Variants in SEC16B observed in about 807,000 individuals in gnomAD.
SEC16B encodes the protein protein transport protein Sec16B.
SEC16B carries 115 observed loss-of-function variants against 141.8 expected under a neutral mutation model. That is an observed-to-expected ratio of 0.81 (90% confidence interval 0.70 to 0.95). SEC16B has a LOEUF of 0.95. Ranked by LOEUF, SEC16B falls within the 40% of genes least tolerant of loss-of-function variation. SEC16B has a pLI of 0.00. For missense variants in SEC16B, 1,291 were observed against 1,312.3 expected (o/e 0.98, Z 0.25); for synonymous variants, 493 against 492.5 (o/e 1.00, Z -0.01).
At position 177,958,365 on chromosome 1, in the gene SEC16B, G is replaced by T; in HGVS notation, c.1135-3C>A. ...GCGATGTCAGACCCCACCATGGACT[G>T]TAAGGCAAAGAGGATCATCTGGGGA... On this transcript the variant is annotated splice_polypyrimidine_tract_variant and splice_region_variant and intron_variant, in intron 9 of 25. Coordinates refer to ENST00000308284, the MANE Select transcript of SEC16B (RefSeq NM_033127.4). 1 of 1,570,712 alleles carries T rather than the reference G, an allele frequency of 6.4e-7. No homozygotes were observed. Among genetic ancestry groups the T allele is most frequent in the Non-Finnish European group, 8.6e-7 (1 of 1,157,242 alleles).
At chr1:177,963,199 T>C (rs1653220333) in intron 5 of SEC16B, among the ~76,000 whole-genome samples, 1 of 151,986 alleles carries the variant, frequency 6.6e-6, no homozygotes, top group Admixed American at 6.6e-5. Flanking sequence ...ATTGTTACTA[T>C]TAGTCATAAT....
chr1:177,954,222 C>T, intron 11 of SEC16B, 57 bp downstream of exon 11: 1 of 1,315,320 alleles, frequency 7.6e-7, no homozygotes, highest in Non-Finnish European at 1.1e-6. Flanking sequence ...TCATCCTCCA[C>T]CTTTGGTGAG....
At chr1:177,931,985 G>GAA (rs879927965) in intron 24 of SEC16B, among the ~76,000 whole-genome samples, 2 of 142,492 alleles carry the variant, frequency 1.4e-5, no homozygotes, top group African/African-American at 5.1e-5. Flanking sequence ...TGTGTTCCCA[G>GAA]AAAAAAAAAA....
At chr1:177,951,162 A>G (rs1652168076) in intron 12 of SEC16B, among the ~76,000 whole-genome samples, 1 of 152,246 alleles carries the variant, frequency 6.6e-6, no homozygotes, top group Non-Finnish European at 1.5e-5. Flanking sequence ...CCTGAAAAGG[A>G]AACCAAAATA....
chr1:177,948,569 C>T, intron 12 of SEC16B: 3 of 1,304,280 alleles, frequency 2.3e-6, no homozygotes, highest in Middle Eastern at 2.1e-4. Flanking sequence ...AAAGAGTAAG[C>T]AGCGTGGTGG....
At chr1:177,977,391 T>C (rs1654211377) in intron 1 of SEC16B, among the ~76,000 whole-genome samples, 1 of 152,220 alleles carries the variant, frequency 6.6e-6, no homozygotes, top group Non-Finnish European at 1.5e-5. Flanking sequence ...CTCTTTCATT[T>C]ACAGTCATAG....
intron 17 of SEC16B, 33 bp downstream of exon 17, chr1:177,940,577 T>TC (rs761881540): frequency 5.4e-6 from 8 of 1,480,822 alleles, no homozygotes; most frequent in African/African-American, 4.2e-5. Flanking sequence ...CAAAGGCCAG[T>TC]CCCCCCAACG....
intron 12 of SEC16B, chr1:177,948,488 G>A (rs1412395810): frequency 7.7e-7 from 1 of 1,304,022 alleles, no homozygotes; most frequent in African/African-American, 1.5e-5. Flanking sequence ...GCCACTTTAA[G>A]AATAAGAAAA....
intron 12 of SEC16B, chr1:177,948,419 G>A: frequency 1.5e-6 from 2 of 1,304,358 alleles, no homozygotes; most frequent in Non-Finnish European, 2.0e-6. Context: ...GCTCTACAAA[G>A]CCCATTCACA....
At chr1:177,973,385 G>C (rs900260396), upstream of SEC16B, 2 of 152,178 alleles carry the variant, frequency 1.3e-5, no homozygotes, top group Admixed American at 1.3e-4. Flanking sequence ...ACCAGGTAAT[G>C]GAATGGTGGA....
At chr1:177,976,459 G>A (rs972262614) in intron 1 of SEC16B, among the ~76,000 whole-genome samples, 2 of 152,160 alleles carry the variant, frequency 1.3e-5, no homozygotes, top group African/African-American at 4.8e-5. Flanking sequence ...GCTGCAGGTC[G>A]ACAGGATGTA....
rs369485878 is a variant in SEC16B at position 177,933,594 on chromosome 1, C to T, written c.2614G>A (p.Ala872Thr). The T allele has an allele frequency of 3.2e-5, 52 of 1,613,774 alleles. No individual in the cohort carries two copies. The highest frequency in any genetic ancestry group is 1.0e-4 in the Admixed American group (6 of 60,004). The change falls in exon 21 of 26, where the codon GCC (alanine) becomes ACC (threonine). Residue 872 changes from alanine (A) to threonine (T), a missense_variant. By Grantham distance (58) the Ala-to-Thr change is moderately conservative (BLOSUM62 0). This residue lies in a region of SEC16B where 605 missense variants were observed against 614.1 expected (regional missense o/e 0.99). Coordinates refer to ENST00000308284, the MANE Select transcript of SEC16B (RefSeq NM_033127.4). Reference protein sequence around the residue: ...ARPRSISESSASSAKEDEKES... With the variant: ...ARPRSISESSTSSAKEDEKES... ...TTCTCATCCTCCTTGGCTGAACTGGCGGAACTCTCAGAAATACTTCGTGGT... is the reference window on the plus strand; with the variant it reads ...TTCTCATCCTCCTTGGCTGAACTGGTGGAACTCTCAGAAATACTTCGTGGT...
In SEC16B at chr1:177,941,927, G is replaced by C; in HGVS notation, c.1995C>G (p.His665Gln). ...TGATGAGTTCCACTAATAGCACAGG[G>C]TGACTGCTCTCTCCCTGGCTCAAGA... ...AAVLSQGESS[H>Q]PVLLVELIKL... The change falls in exon 16 of 26, where the codon CAC (histidine) becomes CAG (glutamine). Residue 665 changes from histidine (H) to glutamine (Q), a missense_variant. Physicochemically the swap from His to Gln is conservative, Grantham distance 24. Around this residue, in one of 3 missense-constraint regions of SEC16B, gnomAD observed 605 missense variants for 614.1 expected, o/e 0.99. Transcript: ENST00000308284. The C allele has an allele frequency of 6.2e-7, 1 of 1,614,026 alleles. No homozygotes were observed. Among genetic ancestry groups the C allele is most frequent in the East Asian group, 2.2e-5 (1 of 44,888 alleles).
At position 177,961,611 on chromosome 1, in the gene SEC16B, C is replaced by G; in HGVS notation, c.766G>C (p.Ala256Pro). Residue 256 changes from alanine (A) to proline (P), a missense_variant, in exon 6 of 26, where the codon GCT becomes CCT. Physicochemically the swap from Ala to Pro is conservative, Grantham distance 27. Transcript: ENST00000308284. ...CCACCAGCCTGAACTGGACTCCAAG[C>G]TGCTGAAGCTGGGGGATCATCCCGC... ...PERDDPPASA[A>P]WSPVQADVSS... 1 of 1,613,400 alleles carries G rather than the reference C, an allele frequency of 6.2e-7. No individual in the cohort carries two copies.
At chr1:177,971,666 A>G (rs78726625), upstream of SEC16B, among the ~76,000 whole-genome samples, 809 of 152,304 alleles carry the variant, frequency 5.3e-3, 6 homozygotes, top group African/African-American at 0.019. Flanking sequence ...TTTGAAAAGG[A>G]CCTTAGAGGT....
chr1:177,930,064 A>G (rs1650300674), intron 25 of SEC16B, 135 bp from the exon 26 acceptor site: 2 of 787,236 alleles, frequency 2.5e-6, no homozygotes, highest in Admixed American at 2.8e-5. Flanking sequence ...CTAATTGCGT[A>G]CCTCCACCCA....
At chr1:177,949,729 T>C (rs900785015) in intron 12 of SEC16B, among the ~76,000 whole-genome samples, 8 of 152,150 alleles carry the variant, frequency 5.3e-5, no homozygotes, top group African/African-American at 1.9e-4. Flanking sequence ...AAGATGTACA[T>C]AGAGTCCAGG....
chr1:177,977,755 T>C (rs1007656783), intron 1 of SEC16B, among the ~76,000 whole-genome samples: 2 of 152,098 alleles, frequency 1.3e-5, no homozygotes, highest in Non-Finnish European at 2.9e-5. Flanking sequence ...TTTTGGGAAG[T>C]AGCAAAGGCC....
Position 177,958,843 on chromosome 1 carries a change from A to G in SEC16B, c.1131T>C (p.Asn377=). 2 of 1,613,344 alleles carry G rather than the reference A, an allele frequency of 1.2e-6. No homozygotes were observed. The highest frequency in any genetic ancestry group is 1.7e-6 in the Non-Finnish European group (2 of 1,179,484). ...CTCCCACCAGAACAGAACTTACCCC[A>G]TTCTGGCGACAAAGGAGAACCAAGA... The part of the protein sequence containing the change: ...WQLLVLLCRQ[N]GSMVGSDIAE... Residue 377 remains asparagine (N), a synonymous_variant, in exon 9 of 26, where the codon AAT becomes AAC. Transcript: ENST00000308284.
Sources: allele counts gnomAD v4.1 joint callset (sites outside exome capture counted in the v4.1 genomes callset), GRCh38; gene constraint gnomAD v4.1.1; regional missense constraint gnomAD v4.1.1; transcripts MANE v1.5; gene names NCBI Gene and HGNC (gene_info 2026-07-23, HGNC 2026-07-21).